CEP85L: variants seen among roughly 807,000 people sequenced by gnomAD.
The protein encoded by CEP85L is centrosomal protein 85L.
A neutral mutation model predicts 100.3 loss-of-function variants in CEP85L; 60 were observed. That is an observed-to-expected ratio of 0.60 (90% CI 0.49 to 0.74). The LOEUF is 0.74. Among genes scored for constraint, CEP85L ranks in the 30% least tolerant of loss-of-function variants. The probability of loss-of-function intolerance (pLI) is 0.00; values close to 1 mark genes in which losing one functional copy is unlikely to be tolerated. For missense variants in CEP85L, 973 were observed against 936.2 expected (o/e 1.04, Z -0.51); for synonymous variants, 319 against 322.7 (o/e 0.99, Z 0.12).
chr6:118,632,249 A>G (rs771067796), intron 2 of CEP85L, among the ~76,000 whole-genome samples: 1 of 152,138 alleles, frequency 6.6e-6, no homozygotes, highest in East Asian at 1.9e-4. Context: ...TCAGCCTCCC[A>G]AAGTGCTGGG....
At chr6:118,568,551 T>A (rs542942953) in intron 2 of CEP85L, among the ~76,000 whole-genome samples, 5 of 152,320 alleles carry the variant, frequency 3.3e-5, no homozygotes, top group South Asian at 2.1e-4. Context: ...ATTATACACA[T>A]CTTCAAACGC....
In CEP85L at chr6:118,513,534, A is replaced by C. The variant is rs181830287; in HGVS notation, c.1140-2119T>G. ...CTCAACTGAAATAATGCAATCAATAAGACAATGAAGTACTTTAAGTACTAA... is the reference window on the plus strand; with the variant it reads ...CTCAACTGAAATAATGCAATCAATACGACAATGAAGTACTTTAAGTACTAA... On this transcript the variant is annotated intron_variant, in intron 4 of 12. Transcript: ENST00000368491. 1.5e-3 allele frequency among the ~76,000 whole-genome samples: 233 copies of C among 152,308 alleles called. 1 individual carries two copies. Among genetic ancestry groups the C allele is most frequent in the African/African-American group, 5.5e-3 (227 of 41,574 alleles).
At chr6:118,505,470 T>C (rs1360892193) in intron 5 of CEP85L, among the ~76,000 whole-genome samples, 3 of 93,870 alleles carry the variant, frequency 3.2e-5, no homozygotes, top group Admixed American at 1.9e-4. Context: ...ATAATACAAA[T>C]ATATGCATTC....
At chr6:118,559,997 G>A (rs893725613) in intron 3 of CEP85L, 1 of 166,980 alleles carries the variant, frequency 6.0e-6, no homozygotes, top group Admixed American at 6.5e-5. Context: ...GATTTTGCAG[G>A]TTGTCTTCCA....
intron 4 of CEP85L, among the ~76,000 whole-genome samples, chr6:118,519,439 T>C (rs1163206881): frequency 3.1e-5 from 1 of 32,186 alleles, no homozygotes; most frequent in African/African-American, 1.1e-4. Context: ...ACTCTGTGTG[T>C]GTGTGTGTGT....
intron 4 of CEP85L, among the ~76,000 whole-genome samples, chr6:118,519,593 G>GGGT (rs55731051): frequency 0.023 from 1,276 of 55,124 alleles, 288 homozygotes; most frequent in Non-Finnish European, 0.031. Context: ...GCGGGGGGGG[G>GGGT]GTGTGAAACT....
intron 1 of CEP85L, among the ~76,000 whole-genome samples, chr6:118,669,395 C>A (rs140755530): frequency 6.6e-6 from 1 of 152,318 alleles, no homozygotes; most frequent in African/African-American, 2.4e-5. Context: ...CATTTTATAT[C>A]TTTCCTTCAT....
chr6:118,577,441 C>A (rs1294451624), intron 2 of CEP85L, among the ~76,000 whole-genome samples: 1 of 152,162 alleles, frequency 6.6e-6, no homozygotes, highest in Admixed American at 6.5e-5. Context: ...TATATAGATG[C>A]CATCAGAGTT....
intron 1 of CEP85L, among the ~76,000 whole-genome samples, chr6:118,660,175 T>C (rs923496717): frequency 3.9e-5 from 6 of 152,218 alleles, no homozygotes; most frequent in Non-Finnish European, 7.3e-5. Flanking sequence ...ATCCAGAGGG[T>C]TATGATGGGC....
intron 11 of CEP85L, 80 bp from the exon 12 acceptor site, chr6:118,469,383 C>T: frequency 9.2e-7 from 1 of 1,087,848 alleles, no homozygotes; most frequent in Non-Finnish European, 1.4e-6. Flanking sequence ...AACATTCTCC[C>T]CCAAGTCTAT....
chr6:118,509,555 G>T (rs1043012875), intron 5 of CEP85L, among the ~76,000 whole-genome samples: 1 of 152,036 alleles, frequency 6.6e-6, no homozygotes, highest in Non-Finnish European at 1.5e-5. Context: ...AAGAAAATCT[G>T]ATAGTTATTT....
In CEP85L at chr6:118,468,863, G is replaced by A. The variant is rs551924757; in HGVS notation, c.2254+209C>T. Among the ~76,000 whole-genome samples the A allele has an allele frequency of 1.2e-3, 180 of 152,208 alleles. 4 individuals are homozygous for A. In the South Asian group the frequency reaches 0.021, roughly 18 times the overall value. On this transcript the variant is annotated intron_variant, in intron 12 of 12. Transcript: ENST00000368491. Reference sequence around the variant, plus strand: ...AGATTCAACATAGGAAACATCACCAGGCATTCTACCAAGTGGCAGTTAATG... The same window carrying A: ...AGATTCAACATAGGAAACATCACCAAGCATTCTACCAAGTGGCAGTTAATG...
At chr6:118,552,646 C>A (rs1177462913) in intron 3 of CEP85L, among the ~76,000 whole-genome samples, 1 of 151,838 alleles carries the variant, frequency 6.6e-6, no homozygotes, top group Non-Finnish European at 1.5e-5. Context: ...AACCAGAATA[C>A]CATCTTGAAC....
At chr6:118,496,664 C>T (rs780694124) in intron 5 of CEP85L, among the ~76,000 whole-genome samples, 2 of 152,110 alleles carry the variant, frequency 1.3e-5, no homozygotes, top group Non-Finnish European at 2.9e-5. Flanking sequence ...GAAGTGATTG[C>T]TTTCTAAAGG....
intron 2 of CEP85L, chr6:118,589,129 G>A (rs1469341913): frequency 5.1e-5 from 15 of 294,522 alleles, no homozygotes; most frequent in Admixed American, 5.0e-4. Flanking sequence ...TATCAGAGAA[G>A]AAACACAAGG....
At chr6:118,516,260 A>T (rs1002280764) in intron 4 of CEP85L, among the ~76,000 whole-genome samples, 2 of 152,214 alleles carry the variant, frequency 1.3e-5, no homozygotes, top group Non-Finnish European at 1.5e-5. Context: ...TCCTTTGGGT[A>T]TATACCCAGT....
intron 6 of CEP85L, among the ~76,000 whole-genome samples, chr6:118,487,650 T>C (rs1181896183): frequency 6.6e-6 from 1 of 152,182 alleles, no homozygotes; most frequent in Non-Finnish European, 1.5e-5. Flanking sequence ...GGATCACACA[T>C]CCAACACCCC....
chr6:118,688,245 C>T (rs1417047825), intron 1 of CEP85L, among the ~76,000 whole-genome samples: 2 of 152,216 alleles, frequency 1.3e-5, no homozygotes, highest in Admixed American at 6.5e-5. Context: ...AGGTGACCCA[C>T]ATGCCTCGGT....
In CEP85L at chr6:118,481,787, G is replaced by A. The variant is rs192719264; in HGVS notation, c.1737C>T (p.Thr579=). The A allele has an allele frequency of 1.4e-4, 227 of 1,572,494 alleles. No homozygotes were observed. In the African/African-American group the frequency reaches 2.7e-3, roughly 19 times the overall value. ...QKKKEKELVT[T]VQSLQQKVER... is the part of the protein sequence containing the mutation. ...TCAGAAAATTTTCTTACCTCTGAAC[G>A]GTAGTTACTAACTCCTTTTCTTTCT... is the stretch of plus-strand genomic sequence containing the variant. The change falls in exon 8 of 13, where the codon ACC becomes ACT. Residue 579 remains threonine (T), a synonymous_variant. Coordinates refer to ENST00000368491, the MANE Select transcript of CEP85L (RefSeq NM_001042475.3).
Sources: gnomAD v4.1 joint callset for allele counts (sites outside exome capture counted in the v4.1 genomes callset) on GRCh38, gnomAD v4.1.1 for gene constraint, MANE v1.5 for transcripts, NCBI Gene and HGNC (gene_info 2026-07-23, HGNC 2026-07-21) for gene names.